SEMA5A: variants seen among roughly 807,000 people sequenced by gnomAD.
SEMA5A encodes the protein semaphorin 5A.
In SEMA5A, 55 loss-of-function variants were observed where a neutral mutation model predicts 135.5. That is an observed-to-expected ratio of 0.41 (90% confidence interval 0.33 to 0.51). The LOEUF is 0.51. Among genes scored for constraint, SEMA5A ranks in the 20% least tolerant of loss-of-function variants. SEMA5A has a pLI of 0.37. For synonymous variants in SEMA5A, 580 were observed against 546.5 expected, an observed-to-expected ratio of 1.06 and a Z score of -0.85; for missense variants, 1,290 against 1,419.9, an observed-to-expected ratio of 0.91 and a Z score of 1.47.
intron 13 of SEMA5A, among the ~76,000 whole-genome samples, chr5:9,125,830 C>A (rs1451102417): frequency 4.3e-5 from 5 of 115,118 alleles, no homozygotes; most frequent in African/African-American, 1.3e-4. Flanking sequence ...GGCAAAGACC[C>A]TACCATTTGG....
At chr5:9,338,433 G>A (rs1404100421) in intron 3 of SEMA5A, among the ~76,000 whole-genome samples, 6 of 152,014 alleles carry the variant, frequency 3.9e-5, no homozygotes, top group Non-Finnish European at 8.8e-5. Context: ...ATAGAGACAG[G>A]CTTTTACAAG....
chr5:9,339,423 C>T (rs1300123492), intron 3 of SEMA5A, among the ~76,000 whole-genome samples: 2 of 152,208 alleles, frequency 1.3e-5, no homozygotes, highest in Non-Finnish European at 2.9e-5. Context: ...CACTCATCTT[C>T]ACTCCATCAA....
intron 15 of SEMA5A, among the ~76,000 whole-genome samples, chr5:9,111,815 GAA>G (rs1191807048): frequency 6.6e-6 from 1 of 152,196 alleles, no homozygotes. Context: ...ACAATTGTGA[GAA>G]AGTGTTTTCC....
At chr5:9,330,373 G>C (rs1335121630) in intron 4 of SEMA5A, among the ~76,000 whole-genome samples, 2 of 147,346 alleles carry the variant, frequency 1.4e-5, no homozygotes, top group African/African-American at 5.1e-5. Context: ...CTGGGCGACA[G>C]AGCGAGACTC....
At chr5:9,341,819 A>G (rs1753668112) in intron 3 of SEMA5A, among the ~76,000 whole-genome samples, 1 of 151,724 alleles carries the variant, frequency 6.6e-6, no homozygotes, top group African/African-American at 2.4e-5. Context: ...TTGTTGAAAT[A>G]TGGTCTCCAG....
At chr5:9,397,644 A>T (rs549848164) in intron 2 of SEMA5A, among the ~76,000 whole-genome samples, 52 of 152,312 alleles carry the variant, frequency 3.4e-4, no homozygotes, top group African/African-American at 1.2e-3. Context: ...GATTAATGTA[A>T]ATTAGCATGT....
intron 13 of SEMA5A, among the ~76,000 whole-genome samples, chr5:9,133,180 A>G (rs763088735): frequency 6.6e-6 from 1 of 152,230 alleles, no homozygotes; most frequent in Non-Finnish European, 1.5e-5. Context: ...AATAACACGG[A>G]AGAAAATTAC....
chr5:9,236,877 G>T (rs1050913246), intron 6 of SEMA5A, among the ~76,000 whole-genome samples: 3 of 152,056 alleles, frequency 2.0e-5, no homozygotes, highest in African/African-American at 7.2e-5. Context: ...CTCCCACAGC[G>T]ATTCAGTTAA....
chr5:9,085,827 C>T (rs111359210), intron 16 of SEMA5A, among the ~76,000 whole-genome samples: 281 of 152,228 alleles, frequency 1.8e-3, no homozygotes, highest in African/African-American at 5.8e-3. Flanking sequence ...CCGGAAAAGC[C>T]GCAGACACTC....
intron 1 of SEMA5A, among the ~76,000 whole-genome samples, chr5:9,482,705 G>A (rs1303154194): frequency 5.9e-5 from 9 of 152,314 alleles, no homozygotes; most frequent in African/African-American, 1.9e-4. Flanking sequence ...AGGGAGACAC[G>A]CACACAATTG....
intron 2 of SEMA5A, among the ~76,000 whole-genome samples, chr5:9,428,861 C>T (rs960846947): frequency 2.6e-5 from 4 of 152,162 alleles, no homozygotes; most frequent in African/African-American, 9.7e-5. Context: ...ACAAAATTTC[C>T]ATCTGAATCA....
chr5:9,411,397 C>A, intron 2 of SEMA5A, among the ~76,000 whole-genome samples: 2 of 152,316 alleles, frequency 1.3e-5, no homozygotes, highest in East Asian at 3.9e-4. Flanking sequence ...CACACGCAAG[C>A]AACGTGCATG....
At chr5:9,364,478 T>G (rs1232716171) in intron 3 of SEMA5A, among the ~76,000 whole-genome samples, 1 of 152,198 alleles carries the variant, frequency 6.6e-6, no homozygotes, top group African/African-American at 2.4e-5. Context: ...CTAATAGGAT[T>G]TTAAAGCTTT....
chr5:9,486,321 G>A (rs1734722981), intron 1 of SEMA5A, among the ~76,000 whole-genome samples: 1 of 152,162 alleles, frequency 6.6e-6, no homozygotes, highest in Non-Finnish European at 1.5e-5. Flanking sequence ...AATAGCTAAT[G>A]CATGTGGAGC....
At chr5:9,299,114 G>A (rs1287078588) in intron 5 of SEMA5A, among the ~76,000 whole-genome samples, 3 of 150,418 alleles carry the variant, frequency 2.0e-5, no homozygotes, top group African/African-American at 7.4e-5. Context: ...GGGCATCACT[G>A]TTCAGAAGAA....
intron 2 of SEMA5A, among the ~76,000 whole-genome samples, chr5:9,405,865 T>C (rs1466212489): frequency 6.6e-6 from 1 of 152,186 alleles, no homozygotes; most frequent in Non-Finnish European, 1.5e-5. Flanking sequence ...GGTCACCAAC[T>C]CATCCACGGT....
chr5:9,457,118 T>C (rs574292604), intron 1 of SEMA5A, among the ~76,000 whole-genome samples: 2 of 152,318 alleles, frequency 1.3e-5, no homozygotes, highest in African/African-American at 4.8e-5. Context: ...AGTCTCCCTG[T>C]TTGTACTAAC....
chr5:9,048,710 C>T (rs764030724), intron 21 of SEMA5A, among the ~76,000 whole-genome samples: 2 of 152,164 alleles, frequency 1.3e-5, no homozygotes, highest in Non-Finnish European at 2.9e-5. Context: ...CCCTTGGTGC[C>T]TACATCAATG....
At chr5:9,435,228 C>A (rs978847979) in intron 2 of SEMA5A, among the ~76,000 whole-genome samples, 11 of 152,036 alleles carry the variant, frequency 7.2e-5, no homozygotes, top group African/African-American at 2.4e-4. Context: ...TGCATGTTTA[C>A]CCTAATATAT....
Sources: gnomAD v4.1 joint callset for allele counts (sites outside exome capture counted in the v4.1 genomes callset) on GRCh38, gnomAD v4.1.1 for gene constraint, MANE v1.5 for transcripts, NCBI Gene and HGNC (gene_info 2026-07-23, HGNC 2026-07-21) for gene names.